USP49: variants seen among roughly 807,000 people sequenced by gnomAD.
USP49 encodes ubiquitin carboxyl-terminal hydrolase 49.
In USP49, 24 loss-of-function variants were observed where a neutral mutation model predicts 58.6. The ratio of observed to expected loss-of-function variants is 0.41; its 90% CI spans 0.30 to 0.58. USP49 has a LOEUF of 0.58. Ranked by LOEUF, USP49 falls within the 20% of genes least tolerant of loss-of-function variation. USP49 has a pLI of 0.30. For synonymous variants in USP49, 408 were observed against 365.1 expected (o/e 1.12, Z -1.34); for missense variants, 703 against 866.1 (o/e 0.81, Z 2.36).
intron 3 of USP49, among the ~76,000 whole-genome samples, chr6:41,858,051 T>C (rs1056926758): frequency 5.3e-5 from 8 of 152,142 alleles, no homozygotes; most frequent in African/African-American, 1.4e-4. Context: ...GCATGTGGCA[T>C]TGTGTATCAG....
chr6:41,851,393 CAATT>C (rs1413827260), intron 3 of USP49, among the ~76,000 whole-genome samples: 23 of 152,236 alleles, frequency 1.5e-4, no homozygotes, highest in East Asian at 1.2e-3. Flanking sequence ...ATGACCATCT[CAATT>C]GATGCAAAAA....
chr6:41,810,189 TAATAA>T (rs2127326423), intron 3 of USP49, among the ~76,000 whole-genome samples: 1 of 131,732 alleles, frequency 7.6e-6, no homozygotes, highest in Non-Finnish European at 1.6e-5. Flanking sequence ...ATAAAGAAAA[TAATAA>T]AATAGGCCGG....
rs192051101 is a variant in USP49, at chr6:41,864,337, C to T, written c.-29+7227G>A. On this transcript the variant is annotated intron_variant, in intron 3 of 7. Transcript: ENST00000682992. ...CAGCACTTTGGGAGGCTGAGGCGGG[C>T]GGATCACCTGAGGTCAGGAGTTCGA... Among the ~76,000 whole-genome samples the T allele has an allele frequency of 3.7e-3, 559 of 151,828 alleles. 4 individuals carry two copies. Among genetic ancestry groups the T allele is most frequent in the African/African-American group, 0.011 (470 of 41,404 alleles).
rs1290661102 is a variant in USP49, at chr6:41,796,144, G to C, written c.*389C>G. The C allele has an allele frequency of 5.2e-6, 1 of 191,624 alleles. No individual in the cohort carries two copies. The highest frequency in any genetic ancestry group is 5.3e-5 in the Admixed American group (1 of 18,888). 11.9% of individuals were successfully genotyped at this position (191,624 alleles called of 1,614,324 possible). On this transcript the variant is annotated 3_prime_UTR_variant, in exon 8 of 8. Coordinates refer to ENST00000682992, the MANE Select transcript of USP49 (RefSeq NM_001286554.2). ...TGTCCAGGACTGCTCACATCCGGAG[G>C]GTTCTTCTGGTGCTGCAAGGAGGTC...
chr6:41,845,395 G>A (rs949019995), intron 3 of USP49, among the ~76,000 whole-genome samples: 10 of 151,996 alleles, frequency 6.6e-5, no homozygotes, highest in South Asian at 4.2e-4. Context: ...GTATGGTGGC[G>A]CACACCTGTG....
At chr6:41,892,237 T>C (rs140255356) in intron 1 of USP49, among the ~76,000 whole-genome samples, 1,984 of 152,232 alleles carry the variant, frequency 0.013, 27 homozygotes, top group South Asian at 0.061. Context: ...TTTACCAATA[T>C]CAAATAAGTC....
intron 3 of USP49, among the ~76,000 whole-genome samples, chr6:41,831,086 G>A (rs976824835): frequency 7.9e-5 from 12 of 152,080 alleles, no homozygotes; most frequent in Admixed American, 2.0e-4. Flanking sequence ...GTGAAACCCC[G>A]TTTCTACTAA....
chr6:41,884,961 CTG>C (rs1350195112), intron 2 of USP49, among the ~76,000 whole-genome samples: 1 of 152,184 alleles, frequency 6.6e-6, no homozygotes, highest in Non-Finnish European at 1.5e-5. Context: ...AAAAAGAACT[CTG>C]TAAGTCCTAC....
chr6:41,860,401 G>A (rs1255989633), intron 3 of USP49, among the ~76,000 whole-genome samples: 1 of 152,152 alleles, frequency 6.6e-6, no homozygotes, highest in Non-Finnish European at 1.5e-5. Context: ...TTTTTTAAAT[G>A]AGATAAATGA....
In USP49 at chr6:41,883,750, T is replaced by G. The variant is rs1331249249; in HGVS notation, c.-103+8044A>C. On this transcript the variant is annotated intron_variant, in intron 2 of 7. Transcript: ENST00000682992. ...GTTATAGGAACACAATGCTTATGGG[T>G]ATAAGCTTATACAACCATTCAACAG... Among the ~76,000 whole-genome samples, 9 of 152,200 alleles carry G rather than the reference T, an allele frequency of 5.9e-5. No homozygotes were observed. In the East Asian group the frequency reaches 1.7e-3, roughly 29 times the overall value.
chr6:41,806,141 G>A lies in USP49; in HGVS notation c.843C>T (p.Phe281=). The part of the protein sequence containing the change: ...LSHLQKFREC[F]LNLDPSKTEH... ...CCGTTTTGGAAGGGTCAAGGTTGAGGAAACATTCTCGGAACTTCTGGAGGT... is the reference window on the plus strand; with the variant it reads ...CCGTTTTGGAAGGGTCAAGGTTGAGAAAACATTCTCGGAACTTCTGGAGGT... The change falls in exon 4 of 8, where the codon TTC becomes TTT. Residue 281 remains phenylalanine, a synonymous_variant. Coordinates refer to ENST00000682992, the MANE Select transcript of USP49 (RefSeq NM_001286554.2). This position sits in a 1 kb window ranked among gnomAD's most constrained non-coding sequence, Gnocchi z 5.9. The A allele has an allele frequency of 2.5e-6, 4 of 1,613,778 alleles. No homozygotes were observed. The South Asian group carries it at 3.3e-5, about 13-fold the overall frequency.
intron 3 of USP49, among the ~76,000 whole-genome samples, chr6:41,857,410 C>G (rs1432259512): frequency 6.6e-6 from 1 of 152,108 alleles, no homozygotes; most frequent in African/African-American, 2.4e-5. Flanking sequence ...TTTGGGAGGC[C>G]AAGGCAGGTG....
At chr6:41,826,471 A>C (rs1250801436) in intron 3 of USP49, among the ~76,000 whole-genome samples, 1 of 152,238 alleles carries the variant, frequency 6.6e-6, no homozygotes, top group Non-Finnish European at 1.5e-5. Context: ...TGACAAAGAA[A>C]ATATGCCATA....
intron 3 of USP49, among the ~76,000 whole-genome samples, chr6:41,855,388 A>T (rs1774109146): frequency 6.6e-6 from 1 of 151,654 alleles, no homozygotes; most frequent in African/African-American, 2.4e-5. Flanking sequence ...GGTGGTGCAC[A>T]CCTGTAATCC....
At chr6:41,827,332 G>T (rs1773556714) in intron 3 of USP49, among the ~76,000 whole-genome samples, 1 of 152,082 alleles carries the variant, frequency 6.6e-6, no homozygotes. Flanking sequence ...TTCAGAGGTA[G>T]GTTACTCCCC....
intron 3 of USP49, among the ~76,000 whole-genome samples, chr6:41,817,869 G>A (rs1003620360): frequency 4.6e-5 from 7 of 152,038 alleles, no homozygotes; most frequent in Non-Finnish European, 8.8e-5. Context: ...ACCCACCTAG[G>A]TCTCCCAAAG....
chr6:41,797,250 G>A (rs1421476675), intron 7 of USP49, among the ~76,000 whole-genome samples: 4 of 151,920 alleles, frequency 2.6e-5, no homozygotes, highest in East Asian at 1.9e-4. Context: ...GTGAGCCACC[G>A]CACCCAGCCG....
chr6:41,878,356 T>A lies in USP49; in HGVS notation c.-102-6719A>T, dbSNP rs904196486. ...TTTTAACTGACAGCTTAATAAGAAC[T>A]AAAGGACATACGATCTTAGCCAGAT... On this transcript the variant is annotated intron_variant, in intron 2 of 7. Transcript: ENST00000682992. 1.6e-4 allele frequency among the ~76,000 whole-genome samples: 25 copies of A among 152,152 alleles called. 1 individual carries two copies. Among genetic ancestry groups the A allele is most frequent in the African/African-American group, 6.0e-4 (25 of 41,442 alleles).
chr6:41,803,107 T>A lies in USP49; in HGVS notation c.1561+699A>T, dbSNP rs1413378329. 6.6e-6 allele frequency among the ~76,000 whole-genome samples: 1 copy of A among 152,150 alleles called. No individual in the cohort carries two copies. The highest frequency in any genetic ancestry group is 6.5e-5 in the Admixed American group (1 of 15,272). On this transcript the variant is annotated intron_variant, in intron 5 of 7. Transcript: ENST00000682992. The surrounding 1 kb of genome is among the most constrained non-coding windows in gnomAD (Gnocchi z 4.1). ...CGCACCCTTCAGAAAGGCTATACCA[T>A]CTGGGTTTAGATTAAGTAAGAACTG...
Sources: allele counts gnomAD v4.1 joint callset (sites outside exome capture counted in the v4.1 genomes callset), GRCh38; gene constraint gnomAD v4.1.1; non-coding constraint Gnocchi (gnomAD v3.1); transcripts MANE v1.5; gene names NCBI Gene and HGNC (gene_info 2026-07-23, HGNC 2026-07-21).